The following KLHL18 variants were observed in gnomAD, a reference collection of about 807,000 sequenced individuals.
KLHL18 encodes the protein kelch like family member 18.
KLHL18 carries 38 observed loss-of-function variants against 58.5 expected under a neutral mutation model. The ratio of observed to expected loss-of-function variants is 0.65; its 90% CI spans 0.50 to 0.85. KLHL18 has a LOEUF of 0.85. Among genes scored for constraint, KLHL18 ranks in the 40% least tolerant of loss-of-function variants. The probability of loss-of-function intolerance (pLI) is 0.00; values close to 1 mark genes in which losing one functional copy is unlikely to be tolerated. For synonymous variants in KLHL18, 303 were observed against 301.9 expected, an observed-to-expected ratio of 1.00 and a Z score of -0.04; for missense variants, 624 against 778.4, an observed-to-expected ratio of 0.80 and a Z score of 2.36.
At chr3:47,342,682 C>T (rs781631886) in intron 8 of KLHL18, 37 bp from the exon 9 acceptor site, 3 of 1,563,078 alleles carry the variant, frequency 1.9e-6, no homozygotes, top group Non-Finnish European at 2.6e-6. Flanking sequence ...AACCCTGAAT[C>T]TCATGCTTCC....
chr3:47,305,071 AG>A (rs1224396022), intron 1 of KLHL18, among the ~76,000 whole-genome samples: 1 of 151,834 alleles, frequency 6.6e-6, no homozygotes, highest in African/African-American at 2.4e-5. Flanking sequence ...ATCAGCAAAT[AG>A]GGATAGTTTA....
intron 1 of KLHL18, among the ~76,000 whole-genome samples, chr3:47,307,279 G>T (rs1006909551): frequency 6.6e-6 from 1 of 152,070 alleles, no homozygotes; most frequent in African/African-American, 2.4e-5. Context: ...CAGCATGTTG[G>T]CCAGGCTGGT....
intron 1 of KLHL18, among the ~76,000 whole-genome samples, chr3:47,296,242 T>C (rs971536901): frequency 1.3e-5 from 2 of 152,222 alleles, no homozygotes; most frequent in Non-Finnish European, 2.9e-5. Context: ...GGTTCGAGTG[T>C]TTTTGTTCCC....
Position 47,343,790 on chromosome 3 carries a change from G to T in KLHL18, c.1574G>T (p.Arg525Leu), listed in dbSNP as rs550244352. ...SRVSLVASCG[R>L]LYAVGGYDGQ... ...GTCTCCCTGGTGGCCAGCTGTGGGCGCCTCTACGCTGTTGGGGGCTACGAC... is the reference window on the plus strand; with the variant it reads ...GTCTCCCTGGTGGCCAGCTGTGGGCTCCTCTACGCTGTTGGGGGCTACGAC... The change falls in exon 10 of 10, where the codon CGC (arginine) becomes CTC (leucine). Residue 525 changes from arginine to leucine, a missense_variant. Arg to Leu is a moderately radical substitution (Grantham distance 102, BLOSUM62 -2). Coordinates refer to ENST00000232766, the MANE Select transcript of KLHL18 (RefSeq NM_025010.5). 6.2e-7 allele frequency: 1 copy of T among 1,614,202 alleles called. No homozygotes were observed. The highest frequency in any genetic ancestry group is 1.1e-5 in the South Asian group (1 of 91,088).
In KLHL18 at chr3:47,333,167, C is replaced by G. The variant is rs755569343; in HGVS notation, c.611C>G (p.Ala204Gly). The change falls in exon 5 of 10, where the codon GCT becomes GGT. Residue 204 changes from alanine (A) to glycine (G), a missense_variant. Ala to Gly is a moderately conservative substitution (Grantham distance 60, BLOSUM62 0). Coordinates refer to ENST00000232766, the MANE Select transcript of KLHL18 (RefSeq NM_025010.5). Reference protein sequence around the residue: ...NVKSEEQVFEAALAWVRYDRE... With the variant: ...NVKSEEQVFEGALAWVRYDRE... ...CCACTCTCATGACAGGTCTTTGAAG[C>G]TGCATTGGCCTGGGTCAGATACGAC... 1.2e-6 allele frequency: 2 copies of G among 1,613,084 alleles called. No homozygotes were observed. The highest frequency in any genetic ancestry group is 1.7e-6 in the Non-Finnish European group (2 of 1,179,512).
chr3:47,284,453 A>G (rs764726680), intron 1 of KLHL18, among the ~76,000 whole-genome samples: 1 of 147,778 alleles, frequency 6.8e-6, no homozygotes, highest in Non-Finnish European at 1.5e-5. Context: ...CTCCTGCCTC[A>G]GCCTCCCCAG....
rs557029936 is a variant in KLHL18, at chr3:47,310,975, G to A, written c.130-8678G>A. On this transcript the variant is annotated intron_variant, in intron 1 of 9. Transcript: ENST00000232766. Reference sequence around the variant, plus strand: ...TCCACAGAGTGGCCTGGTCAGCTTCGAATTTCTTCCTTAGTCCTGTTCCCT... The same window carrying A: ...TCCACAGAGTGGCCTGGTCAGCTTCAAATTTCTTCCTTAGTCCTGTTCCCT... 7.9e-5 allele frequency among the ~76,000 whole-genome samples: 12 copies of A among 151,384 alleles called. No individual in the cohort carries two copies. In the South Asian group the frequency reaches 1.7e-3, roughly 21 times the overall value.
At chr3:47,309,756 G>A (rs999991094) in intron 1 of KLHL18, among the ~76,000 whole-genome samples, 5 of 152,194 alleles carry the variant, frequency 3.3e-5, no homozygotes, top group Admixed American at 2.6e-4. Flanking sequence ...CCGGCACCTC[G>A]GGAGGCCGAG....
At chr3:47,317,834 GTAATA>G (rs1703491562) in intron 1 of KLHL18, among the ~76,000 whole-genome samples, 1 of 152,250 alleles carries the variant, frequency 6.6e-6, no homozygotes, top group Non-Finnish European at 1.5e-5. Context: ...AATTAGATTA[GTAATA>G]TAATAGTTAT....
chr3:47,304,440 C>T (rs1387642281), intron 1 of KLHL18, among the ~76,000 whole-genome samples: 1 of 151,914 alleles, frequency 6.6e-6, no homozygotes, highest in East Asian at 1.9e-4. Context: ...GAGTTTGAGG[C>T]TATAGTGAGC....
intron 1 of KLHL18, among the ~76,000 whole-genome samples, chr3:47,285,348 C>T (rs1702651642): frequency 6.6e-6 from 1 of 152,174 alleles, no homozygotes. Flanking sequence ...GAAAAATGAT[C>T]CGGTTTTGGC....
chr3:47,305,616 G>A (rs1401169105), intron 1 of KLHL18, among the ~76,000 whole-genome samples: 5 of 151,938 alleles, frequency 3.3e-5, no homozygotes, highest in Non-Finnish European at 7.4e-5. Flanking sequence ...GGGTAATACT[G>A]CATAAAATGA....
chr3:47,341,428 G>C (rs1016692120), intron 8 of KLHL18, among the ~76,000 whole-genome samples: 1 of 152,172 alleles, frequency 6.6e-6, no homozygotes, highest in African/African-American at 2.4e-5. Flanking sequence ...TGGGCCATGG[G>C]TTGCATCATG....
At chr3:47,336,826 C>A in intron 7 of KLHL18, 69 bp downstream of exon 7, 2 of 1,204,386 alleles carry the variant, frequency 1.7e-6, no homozygotes, top group Non-Finnish European at 2.4e-6. Context: ...GCTAGACGAG[C>A]AGGGGCACAC....
chr3:47,293,720 A>G (rs1702837784), intron 1 of KLHL18, among the ~76,000 whole-genome samples: 1 of 152,176 alleles, frequency 6.6e-6, no homozygotes, highest in Admixed American at 6.5e-5. Context: ...TCATCTGCAA[A>G]TTACAAATAG....
intron 1 of KLHL18, among the ~76,000 whole-genome samples, chr3:47,285,290 A>C (rs886807010): frequency 2.0e-5 from 3 of 152,256 alleles, no homozygotes; most frequent in African/African-American, 7.2e-5. Flanking sequence ...TTTTGTCCAC[A>C]GTGATTACAT....
intron 1 of KLHL18, among the ~76,000 whole-genome samples, chr3:47,307,900 G>A (rs1237811354): frequency 6.6e-6 from 1 of 152,046 alleles, no homozygotes; most frequent in Non-Finnish European, 1.5e-5. Context: ...TGTTCATTTG[G>A]TCGGTTTGTT....
chr3:47,316,528 T>C (rs577339819), intron 1 of KLHL18, among the ~76,000 whole-genome samples: 48 of 4,696 alleles, frequency 0.01, 3 homozygotes, highest in Admixed American at 0.016. Flanking sequence ...TACATATATA[T>C]GTATATATAT....
chr3:47,339,440 C>T (rs1704057313), intron 7 of KLHL18, among the ~76,000 whole-genome samples: 1 of 149,870 alleles, frequency 6.7e-6, no homozygotes, highest in Admixed American at 6.7e-5. Flanking sequence ...TGCTGTGAAC[C>T]ATCATTGTGC....
Sources: gnomAD v4.1 joint callset for allele counts (sites outside exome capture counted in the v4.1 genomes callset) on GRCh38, gnomAD v4.1.1 for gene constraint, MANE v1.5 for transcripts, NCBI Gene and HGNC (gene_info 2026-07-23, HGNC 2026-07-21) for gene names.